Variants in ZBBX observed in about 807,000 individuals in gnomAD.
ZBBX encodes the protein zinc finger B-box domain-containing protein 1.
In ZBBX, 101 loss-of-function variants were observed where a neutral mutation model predicts 108.5. The observed-to-expected ratio is 0.93, with a 90% CI of 0.79 to 1.10. ZBBX has a LOEUF of 1.10. ZBBX is among the 50% of genes least tolerant of loss of function. The pLI is 0.00. For missense variants in ZBBX, 1,009 were observed against 941.4 expected (o/e 1.07, Z -0.94); for synonymous variants, 356 against 323.4 (o/e 1.10, Z -1.08).
rs763453966 is a variant in ZBBX at position 167,363,865 on chromosome 3, A to G, written c.273+2021T>C. 3.3e-5 allele frequency among the ~76,000 whole-genome samples: 5 copies of G among 152,078 alleles called. No homozygotes were observed. In the South Asian group the frequency reaches 6.2e-4, roughly 19 times the overall value. ...CAATCATCAAATTTAGGTCTTTTAA[A>G]TATTTTCATTATCCAGAAATAGACA... On this transcript the variant is annotated intron_variant, in intron 6 of 21. Coordinates refer to ENST00000675490, the MANE Select transcript of ZBBX (RefSeq NM_001199201.2).
intron 8 of ZBBX, among the ~76,000 whole-genome samples, chr3:167,358,846 G>A (rs1254140302): frequency 2.8e-5 from 4 of 144,864 alleles, no homozygotes; most frequent in African/African-American, 5.1e-5. Context: ...TGAGGCAGGA[G>A]AATTGCTTGA....
In ZBBX at chr3:167,242,583, G is replaced by A; in HGVS notation, c.2315C>T (p.Ser772Leu). The change falls in exon 21 of 22, where the codon TCA becomes TTA. Residue 772 changes from serine (S) to leucine (L), a missense_variant. Ser to Leu is a moderately radical substitution (Grantham distance 145, BLOSUM62 -2). Coordinates refer to ENST00000675490, the MANE Select transcript of ZBBX (RefSeq NM_001199201.2). ...TGTGGAAATCTGACTTATATTCAGT[G>A]ATTGGCTGCTGAAATCTGGGAACTC... ...SEEFPDFSSQ[S>L]LNISQISTDF... 1.2e-6 allele frequency: 2 copies of A among 1,613,702 alleles called. No homozygotes were observed. The highest frequency in any genetic ancestry group is 1.7e-6 in the Non-Finnish European group (2 of 1,179,802).
chr3:167,266,524 C>T (rs1560044521), intron 20 of ZBBX, among the ~76,000 whole-genome samples: 1 of 152,164 alleles, frequency 6.6e-6, no homozygotes, highest in South Asian at 2.1e-4. Context: ...AGCTCCACCA[C>T]TGTACCTCAC....
the ZBBX span, among the ~76,000 whole-genome samples, chr3:167,230,374 C>A: frequency 6.6e-6 from 1 of 151,618 alleles, no homozygotes; most frequent in Non-Finnish European, 1.5e-5. Context: ...ACAACATATG[C>A]CATCAGGAAA....
At chr3:167,339,917 G>T (rs544108715) in intron 9 of ZBBX, among the ~76,000 whole-genome samples, 114 of 152,100 alleles carry the variant, frequency 7.5e-4, no homozygotes, top group African/African-American at 2.6e-3. Context: ...AGAGTTGATT[G>T]GTTTTCTGTT....
intron 1 of ZBBX, among the ~76,000 whole-genome samples, chr3:167,396,867 T>C (rs894445951): frequency 6.6e-6 from 1 of 151,774 alleles, no homozygotes; most frequent in Non-Finnish European, 1.5e-5. Context: ...CAGAGACCAT[T>C]TGTGTCTCCT....
chr3:167,203,912 C>A, the ZBBX span, among the ~76,000 whole-genome samples: 436 of 152,248 alleles, frequency 2.9e-3, 3 homozygotes, highest in African/African-American at 9.8e-3. Context: ...TCTGAGAACA[C>A]AGACTAAGTC....
At chr3:167,356,914 T>C (rs1231806656) in intron 8 of ZBBX, among the ~76,000 whole-genome samples, 2 of 152,246 alleles carry the variant, frequency 1.3e-5, no homozygotes, top group East Asian at 3.9e-4. Flanking sequence ...TAAGTAACAT[T>C]TGAGTTGATA....
chr3:167,341,395 A>T (rs1740511653), intron 9 of ZBBX, among the ~76,000 whole-genome samples: 1 of 151,932 alleles, frequency 6.6e-6, no homozygotes, highest in African/African-American at 2.4e-5. Context: ...AATAAAACAC[A>T]TCAAATCCAG....
chr3:167,256,514 A>G (rs1296064397), intron 20 of ZBBX, among the ~76,000 whole-genome samples: 1 of 148,402 alleles, frequency 6.7e-6, no homozygotes, highest in Non-Finnish European at 1.5e-5. Flanking sequence ...ATTATTGACT[A>G]TAGTAACCCT....
chr3:167,234,990 G>A (rs1019011137), downstream of ZBBX, among the ~76,000 whole-genome samples: 19 of 151,860 alleles, frequency 1.3e-4, no homozygotes, highest in African/African-American at 4.6e-4. Context: ...CAAATTTACA[G>A]TGAGGTAATC....
intron 1 of ZBBX, chr3:167,399,612 G>A (rs1422393629): frequency 6.6e-6 from 1 of 152,150 alleles, no homozygotes; most frequent in East Asian, 1.9e-4. Flanking sequence ...GCCATAGGGG[G>A]AGACCTTAGC....
At chr3:167,244,966 T>A (rs4293704) in intron 20 of ZBBX, among the ~76,000 whole-genome samples, 59,007 of 151,916 alleles carry the variant, frequency 0.39, 11,687 homozygotes, top group Non-Finnish European at 0.43. Flanking sequence ...ATTCCATAGA[T>A]AAATAAGCAC....
intron 8 of ZBBX, 28 bp downstream of exon 8, chr3:167,359,842 A>G: frequency 8.7e-7 from 1 of 1,144,686 alleles, no homozygotes; most frequent in African/African-American, 1.6e-5. Context: ...TATACAGTAT[A>G]TGTATATATA....
At chr3:167,347,327 T>A (rs1001522690) in intron 9 of ZBBX, among the ~76,000 whole-genome samples, 1 of 152,026 alleles carries the variant, frequency 6.6e-6, no homozygotes, top group Non-Finnish European at 1.5e-5. Context: ...CATATTAACA[T>A]ATCCATCACC....
At chr3:167,209,604 AG>A in the ZBBX span, among the ~76,000 whole-genome samples, 1 of 152,242 alleles carries the variant, frequency 6.6e-6, no homozygotes, top group Non-Finnish European at 1.5e-5. Context: ...AGCCTTCCCA[AG>A]AGGGATAGGT....
chr3:167,189,898 A>C, the ZBBX span, among the ~76,000 whole-genome samples: 2,004 of 152,338 alleles, frequency 0.013, 51 homozygotes, highest in African/African-American at 0.046. Context: ...TGCAGCAGAC[A>C]GACAATTTGA....
At chr3:167,384,356 G>A (rs1388531389), upstream of ZBBX, among the ~76,000 whole-genome samples, 1 of 152,126 alleles carries the variant, frequency 6.6e-6, no homozygotes, top group Non-Finnish European at 1.5e-5. Flanking sequence ...TGGTTAGCTA[G>A]GAATATGGAA....
At chr3:167,243,080 A>T (rs1461498756) in intron 20 of ZBBX, among the ~76,000 whole-genome samples, 1 of 152,046 alleles carries the variant, frequency 6.6e-6, no homozygotes, top group Non-Finnish European at 1.5e-5. Context: ...TTCTTTTTTG[A>T]CTTCCTTGCT....
Sources: gnomAD v4.1 joint callset for allele counts (sites outside exome capture counted in the v4.1 genomes callset) on GRCh38, gnomAD v4.1.1 for gene constraint, MANE v1.5 for transcripts, NCBI Gene and HGNC (gene_info 2026-07-23, HGNC 2026-07-21) for gene names.